The following TENM2 variants were observed in gnomAD, a reference collection of about 807,000 sequenced individuals.
The protein encoded by TENM2 is teneurin-2.
In TENM2, 52 loss-of-function variants were observed where a neutral mutation model predicts 245.2. That is an observed-to-expected ratio of 0.21 (90% confidence interval 0.17 to 0.27). TENM2 has a LOEUF of 0.27. TENM2 is among the 10% of genes least tolerant of loss of function. The pLI is 1.00. For missense variants in TENM2, 3,046 were observed against 3,666.8 expected (o/e 0.83, Z 4.37); for synonymous variants, 1,363 against 1,438.9 (o/e 0.95, Z 1.19).
chr5:168,022,847 T>C (rs1489272919), intron 5 of TENM2, among the ~76,000 whole-genome samples: 2 of 152,176 alleles, frequency 1.3e-5, no homozygotes, highest in Admixed American at 6.5e-5. Flanking sequence ...GATTGGGGAC[T>C]CAGGGGCAGC....
At chr5:167,144,630 G>A in the TENM2 span, among the ~76,000 whole-genome samples, 1 of 152,110 alleles carries the variant, frequency 6.6e-6, no homozygotes, top group Non-Finnish European at 1.5e-5. Flanking sequence ...GGATCCATTA[G>A]GACCTCATCT....
chr5:167,834,872 G>A (rs1417370507), intron 2 of TENM2, among the ~76,000 whole-genome samples: 11 of 152,002 alleles, frequency 7.2e-5, no homozygotes, highest in African/African-American at 2.4e-4. Context: ...GGATGGTCTC[G>A]ATCTCCTGAC....
chr5:167,567,284 G>C lies in TENM2; in HGVS notation c.502+191811G>C, dbSNP rs74289983. ...AATATATAGGCAATTTCAGGAGCATGAATCTTTAGTGAATCAAGAAGGAAG... is the reference window on the plus strand; with the variant it reads ...AATATATAGGCAATTTCAGGAGCATCAATCTTTAGTGAATCAAGAAGGAAG... On this transcript the variant is annotated intron_variant, in intron 2 of 28. Transcript: ENST00000518659. Among the ~76,000 whole-genome samples, 30 of 152,202 alleles carry C rather than the reference G, an allele frequency of 2.0e-4. 1 individual carries two copies. In the East Asian group the frequency reaches 5.4e-3, roughly 27 times the overall value.
chr5:168,138,152 T>A (rs1217241234), intron 12 of TENM2, among the ~76,000 whole-genome samples: 1 of 152,216 alleles, frequency 6.6e-6, no homozygotes, highest in African/African-American at 2.4e-5. Flanking sequence ...GCAAAAGAAT[T>A]AAATGCCTGA....
intron 2 of TENM2, among the ~76,000 whole-genome samples, chr5:167,550,539 C>T (rs537227877): frequency 1.3e-5 from 2 of 152,230 alleles, no homozygotes; most frequent in East Asian, 1.9e-4. Flanking sequence ...CTCCTGCATC[C>T]AAGAATTTGC....
intron 5 of TENM2, among the ~76,000 whole-genome samples, chr5:168,038,128 C>G (rs947661209): frequency 6.6e-6 from 1 of 152,154 alleles, no homozygotes; most frequent in Non-Finnish European, 1.5e-5. Context: ...TTACCAGCTG[C>G]GTGTTACTTC....
chr5:167,563,638 T>G (rs1479421756), intron 2 of TENM2, among the ~76,000 whole-genome samples: 1 of 152,166 alleles, frequency 6.6e-6, no homozygotes, highest in Non-Finnish European at 1.5e-5. Context: ...AATAACAACA[T>G]TTCAGTCAGG....
intron 5 of TENM2, among the ~76,000 whole-genome samples, chr5:168,045,527 G>C (rs1158745386): frequency 1.3e-5 from 2 of 152,150 alleles, no homozygotes; most frequent in Non-Finnish European, 2.9e-5. Flanking sequence ...TGTTGGGGAG[G>C]TTGTCATCTT....
chr5:167,459,889 C>A (rs1186321941), intron 2 of TENM2, among the ~76,000 whole-genome samples: 2 of 150,416 alleles, frequency 1.3e-5, no homozygotes, highest in Admixed American at 6.7e-5. Context: ...GACCATTCTG[C>A]ATTTCCTTGT....
At chr5:168,260,232 C>T (rs1768059112) in intron 27 of TENM2, 51 bp from the exon 30 acceptor site, 1 of 1,604,670 alleles carries the variant, frequency 6.2e-7, no homozygotes, top group African/African-American at 1.3e-5. Context: ...TCTGCTGCTG[C>T]TCTCCATCCA....
At chr5:167,686,068 T>G (rs577619168) in intron 2 of TENM2, among the ~76,000 whole-genome samples, 2 of 152,294 alleles carry the variant, frequency 1.3e-5, no homozygotes, top group African/African-American at 4.8e-5. Flanking sequence ...ATAAAATAAT[T>G]CATTGAAGAG....
At chr5:167,393,401 C>G (rs1186687868) in intron 2 of TENM2, among the ~76,000 whole-genome samples, 5 of 152,032 alleles carry the variant, frequency 3.3e-5, no homozygotes, top group Non-Finnish European at 5.9e-5. Flanking sequence ...TGAATGAAAA[C>G]CTCAAGGAAC....
At chr5:167,716,068 G>C (rs373176842) in intron 2 of TENM2, among the ~76,000 whole-genome samples, 8 of 152,184 alleles carry the variant, frequency 5.3e-5, no homozygotes, top group East Asian at 1.9e-4. Context: ...GCGTCTGCCA[G>C]TGTGTGCCAG....
chr5:167,098,297 A>G, the TENM2 span, among the ~76,000 whole-genome samples: 16 of 152,244 alleles, frequency 1.1e-4, no homozygotes, highest in African/African-American at 3.6e-4. Flanking sequence ...TTATAATCGT[A>G]TAATCACCCA....
chr5:167,562,233 GAACA>G (rs1773639370), intron 2 of TENM2, among the ~76,000 whole-genome samples: 2 of 152,144 alleles, frequency 1.3e-5, no homozygotes, highest in Non-Finnish European at 2.9e-5. Context: ...TAGGAAAATT[GAACA>G]TAGAGAGCTG....
intron 13 of TENM2, among the ~76,000 whole-genome samples, chr5:168,172,615 T>C (rs1405530176): frequency 6.6e-6 from 1 of 152,188 alleles, no homozygotes; most frequent in Non-Finnish European, 1.5e-5. Flanking sequence ...GTGTTTGGGC[T>C]CAGAGCAAGG....
chr5:167,788,088 G>A (rs192813277), intron 2 of TENM2, among the ~76,000 whole-genome samples: 1 of 152,306 alleles, frequency 6.6e-6, no homozygotes, highest in East Asian at 1.9e-4. Context: ...GGGTAGGACT[G>A]TTTTTATTTA....
chr5:167,874,272 C>A (rs1023596060), intron 2 of TENM2, among the ~76,000 whole-genome samples: 1 of 152,132 alleles, frequency 6.6e-6, no homozygotes, highest in East Asian at 1.9e-4. Flanking sequence ...TCTCTGAGGG[C>A]AGGGGTGGTG....
At chr5:167,144,267 A>G in the TENM2 span, among the ~76,000 whole-genome samples, 3 of 151,972 alleles carry the variant, frequency 2.0e-5, no homozygotes, top group Admixed American at 6.6e-5. Context: ...ATGGGATTGT[A>G]CTCTTCTGAC....
Sources: gnomAD v4.1 joint callset for allele counts (sites outside exome capture counted in the v4.1 genomes callset) on GRCh38, gnomAD v4.1.1 for gene constraint, MANE v1.5 for transcripts, NCBI Gene and HGNC (gene_info 2026-07-23, HGNC 2026-07-21) for gene names.